SULT1C3: variants seen among roughly 807,000 people sequenced by gnomAD.
The protein encoded by SULT1C3 is sulfotransferase family 1C member 3.
A neutral mutation model predicts 28.4 loss-of-function variants in SULT1C3; 31 were observed. The observed-to-expected ratio is 1.09, with a 90% CI of 0.82 to 1.47. SULT1C3 has a LOEUF of 1.47. Among genes scored for constraint, SULT1C3 ranks in the 40% most tolerant of loss-of-function variants. The probability of loss-of-function intolerance (pLI) is 0.00; values close to 1 mark genes in which losing one functional copy is unlikely to be tolerated. For missense variants in SULT1C3, 307 were observed against 272.5 expected, an observed-to-expected ratio of 1.13 and a Z score of -0.89; for synonymous variants, 106 against 92.2, an observed-to-expected ratio of 1.15 and a Z score of -0.86.
chr2:108,256,590 C>T (rs548171165), intron 5 of SULT1C3, among the ~76,000 whole-genome samples: 1 of 152,170 alleles, frequency 6.6e-6, no homozygotes, highest in African/African-American at 2.4e-5. Flanking sequence ...TGAGAGCTCC[C>T]AGTCCTTGAG....
intron 1 of SULT1C3, among the ~76,000 whole-genome samples, chr2:108,243,286 C>G (rs1208346556): frequency 6.6e-6 from 1 of 152,148 alleles, no homozygotes; most frequent in Non-Finnish European, 1.5e-5. Flanking sequence ...TGGGAGGAAC[C>G]TGGTTTACAG....
chr2:108,264,567 C>T (rs1267795821), downstream of SULT1C3, among the ~76,000 whole-genome samples: 1 of 152,152 alleles, frequency 6.6e-6, no homozygotes, highest in East Asian at 1.9e-4. Flanking sequence ...TCTCAGCCAG[C>T]CTTGTGATTG....
intron 1 of SULT1C3, among the ~76,000 whole-genome samples, chr2:108,245,558 C>G (rs1176852292): frequency 2.0e-5 from 3 of 152,108 alleles, no homozygotes; most frequent in Non-Finnish European, 4.4e-5. Flanking sequence ...GCCAATGGGA[C>G]AATCAAGGAG....
At chr2:108,263,957 A>G (rs1461203146), downstream of SULT1C3, among the ~76,000 whole-genome samples, 9 of 152,194 alleles carry the variant, frequency 5.9e-5, no homozygotes, top group Non-Finnish European at 2.9e-5. Flanking sequence ...AAATGGTATC[A>G]TATCTATCTC....
intron 1 of SULT1C3, 71 bp from the exon 2 acceptor site, chr2:108,247,117 A>C: frequency 8.4e-7 from 1 of 1,196,960 alleles, no homozygotes; most frequent in Non-Finnish European, 1.1e-6. Context: ...CAGTAAGATG[A>C]TAACCCATAC....
At chr2:108,264,924 A>G, downstream of SULT1C3, 1 of 1,614,032 alleles carries the variant, frequency 6.2e-7, no homozygotes, top group Non-Finnish European at 8.5e-7. Context: ...CTTTGATGTA[A>G]TGAAGCAAAA....
chr2:108,264,027 A>G (rs892468090), downstream of SULT1C3, among the ~76,000 whole-genome samples: 2 of 152,206 alleles, frequency 1.3e-5, no homozygotes, highest in African/African-American at 4.8e-5. Flanking sequence ...GTTGTGTTCA[A>G]GAAATTTAGC....
chr2:108,245,279 C>G (rs927252509), intron 1 of SULT1C3, among the ~76,000 whole-genome samples: 1 of 152,106 alleles, frequency 6.6e-6, no homozygotes, highest in Non-Finnish European at 1.5e-5. Context: ...TCCCTTTGAC[C>G]TCCTAGACTT....
chr2:108,260,296 T>G (rs1322412781), intron 7 of SULT1C3, among the ~76,000 whole-genome samples: 1 of 152,022 alleles, frequency 6.6e-6, no homozygotes, highest in African/African-American at 2.4e-5. Context: ...GCCAGGAGTG[T>G]ACCCTGGAGC....
At chr2:108,254,427 G>A (rs938935516) in intron 4 of SULT1C3, among the ~76,000 whole-genome samples, 4 of 151,998 alleles carry the variant, frequency 2.6e-5, no homozygotes, top group African/African-American at 9.7e-5. Flanking sequence ...TGAGTTTCAT[G>A]TATCTATATT....
chr2:108,262,758 T>C (rs142298178), downstream of SULT1C3, among the ~76,000 whole-genome samples: 716 of 152,266 alleles, frequency 4.7e-3, 6 homozygotes, highest in Non-Finnish European at 8.5e-3. Context: ...CCCCTAGAAC[T>C]TTCCCCAATG....
intron 1 of SULT1C3, among the ~76,000 whole-genome samples, 86 bp downstream of exon 1, chr2:108,240,169 T>TA (rs1675429802): frequency 6.6e-6 from 1 of 152,238 alleles, no homozygotes; most frequent in South Asian, 2.1e-4. Context: ...CAACCCTTGT[T>TA]AATCATATAA....
chr2:108,250,950 T>C (rs1052682495), intron 2 of SULT1C3, among the ~76,000 whole-genome samples: 1 of 152,070 alleles, frequency 6.6e-6, no homozygotes, highest in Non-Finnish European at 1.5e-5. Context: ...TCTACTCTTA[T>C]CTATGGTAAT....
At chr2:108,265,164 G>A, downstream of SULT1C3, 1 of 1,465,878 alleles carries the variant, frequency 6.8e-7, no homozygotes, top group African/African-American at 1.4e-5. Flanking sequence ...CCTCATTCTT[G>A]GTGGGGTCCT....
chr2:108,246,745 G>A (rs1182289866), intron 1 of SULT1C3, among the ~76,000 whole-genome samples: 1 of 151,956 alleles, frequency 6.6e-6, no homozygotes, highest in Admixed American at 6.6e-5. Context: ...CCATTGTTTT[G>A]AATTTTCTTC....
At position 108,241,048 on chromosome 2, in the gene SULT1C3, C is replaced by T. The variant is rs1168223809; in HGVS notation, c.-8+965C>T. Reference sequence around the variant, plus strand: ...TGTGTGAGTCTTTCTCTTGAGTTCCCAAGATCAACATGGAGTTAGTTCCCA... The same window carrying T: ...TGTGTGAGTCTTTCTCTTGAGTTCCTAAGATCAACATGGAGTTAGTTCCCA... On this transcript the variant is annotated intron_variant, in intron 1 of 7. Transcript: ENST00000681802. Among the ~76,000 whole-genome samples, 3 of 152,154 alleles carry T rather than the reference C, an allele frequency of 2.0e-5. No individual in the cohort carries two copies. The East Asian group carries it at 5.8e-4, about 29-fold the overall frequency.
In SULT1C3 at chr2:108,240,045, A is replaced by T. The variant is rs1675426489; in HGVS notation, c.-46A>T. 6.6e-6 allele frequency among the ~76,000 whole-genome samples: 1 copy of T among 152,188 alleles called. No homozygotes were observed. Among genetic ancestry groups the T allele is most frequent in the Admixed American group, 6.5e-5 (1 of 15,276 alleles). ...GGGTTTCCAGGAAGCAGTTTGACTA[A>T]AGGCAGCAAGCTGCTTCCTCTGCTG... On this transcript the variant is annotated 5_prime_UTR_variant, in exon 1 of 8. Coordinates refer to ENST00000681802, the MANE Select transcript of SULT1C3 (RefSeq NM_001320878.2).
chr2:108,241,617 C>T (rs778169758), intron 1 of SULT1C3, among the ~76,000 whole-genome samples: 5 of 152,076 alleles, frequency 3.3e-5, no homozygotes, highest in African/African-American at 7.2e-5. Flanking sequence ...CAAAATTTCC[C>T]GGATAGTTAC....
At chr2:108,256,278 C>T (rs1471030174) in intron 5 of SULT1C3, among the ~76,000 whole-genome samples, 1 of 151,950 alleles carries the variant, frequency 6.6e-6, no homozygotes, top group Non-Finnish European at 1.5e-5. Flanking sequence ...CTAGATTTGA[C>T]CAGGTGTCAA....
Sources: gnomAD v4.1 joint callset for allele counts (sites outside exome capture counted in the v4.1 genomes callset) on GRCh38, gnomAD v4.1.1 for gene constraint, MANE v1.5 for transcripts, NCBI Gene and HGNC (gene_info 2026-07-23, HGNC 2026-07-21) for gene names.